Variants in FN1 observed in about 807,000 individuals in gnomAD.
FN1 encodes the protein fibronectin 1, also known as fibronectin.
In FN1, 106 loss-of-function variants were observed where a neutral mutation model predicts 297.3. The ratio of observed to expected loss-of-function variants is 0.36; its 90% CI spans 0.30 to 0.42. FN1 has a LOEUF of 0.42. Among genes scored for constraint, FN1 ranks in the 10% least tolerant of loss-of-function variants. The pLI is 1.00. For missense variants in FN1, 2,690 were observed against 3,124.9 expected (o/e 0.86, Z 3.32); for synonymous variants, 1,149 against 1,152.6 (o/e 1.00, Z 0.06).
At chr2:215,419,096 A>T in intron 12 of FN1, 146 bp downstream of exon 12, 1 of 670,972 alleles carries the variant, frequency 1.5e-6, no homozygotes, top group Non-Finnish European at 2.6e-6. Context: ...TTTAATCAAA[A>T]ATTCAATTGA....
intron 1 of FN1, 122 bp from the exon 2 acceptor site, chr2:215,434,946 T>C: frequency 9.2e-7 from 1 of 1,081,296 alleles, no homozygotes. Context: ...AAAAGTTATA[T>C]ACAATGATGT....
In FN1 at chr2:215,375,204, G is replaced by A; in HGVS notation, c.6157+10C>T. On this transcript the variant is annotated intron_variant, in intron 38 of 45. Coordinates refer to ENST00000354785, the MANE Select transcript of FN1 (RefSeq NM_212482.4). ...TAAGAAGGAAAATGACAGCATGGAA[G>A]CAGCAATACCAGTAATAGTAGCCTC... 6.2e-7 allele frequency: 1 copy of A among 1,613,632 alleles called. No homozygotes were observed. The highest frequency in any genetic ancestry group is 8.5e-7 in the Non-Finnish European group (1 of 1,179,544).
intron 13 of FN1, among the ~76,000 whole-genome samples, chr2:215,410,432 C>A (rs182656570): frequency 3.5e-4 from 54 of 152,116 alleles, no homozygotes; most frequent in African/African-American, 1.3e-3. Context: ...TTGTTGCTCC[C>A]GTTTTACAGA....
At chr2:215,388,726 T>C (rs2059341626) in intron 26 of FN1, among the ~76,000 whole-genome samples, 1 of 152,224 alleles carries the variant, frequency 6.6e-6, no homozygotes, top group African/African-American at 2.4e-5. Context: ...TTTCTTGTCA[T>C]ACAACGTACT....
At chr2:215,423,211 C>CAA (rs1553651001) in intron 9 of FN1, 139 bp downstream of exon 9, 15 of 765,482 alleles carry the variant, frequency 2.0e-5, no homozygotes, top group African/African-American at 1.7e-4. Flanking sequence ...CACACACACA[C>CAA]AAACACACTT....
intron 1 of FN1, 148 bp downstream of exon 1, chr2:215,435,507 G>A: frequency 8.6e-7 from 1 of 1,162,330 alleles, no homozygotes; most frequent in Non-Finnish European, 1.2e-6. Context: ...CTCAAAACTC[G>A]GTCCTTTTGT....
chr2:215,361,452 T>TAAGA lies in FN1; in HGVS notation c.*99_*102dup. On this transcript the variant is annotated 3_prime_UTR_variant, in exon 46 of 46. Coordinates refer to ENST00000354785, the MANE Select transcript of FN1 (RefSeq NM_212482.4). ...AGAACTTCCTCCAGAGCAAAGGGCT[T>TAAGA]AAGAAAGAAAGAAGAACTCTAAGCT... is the stretch of plus-strand genomic sequence containing the variant. The TAAGA allele has an allele frequency of 1.1e-6, 1 of 881,904 alleles. No individual in the cohort carries two copies. 54.6% of individuals were successfully genotyped at this position (881,904 alleles called of 1,614,324 possible). A position where few individuals can be genotyped will look rare whatever the true frequency, so the allele number is the denominator to read the frequency against.
At position 215,373,305 on chromosome 2, in the gene FN1, C is replaced by T. The variant is rs780525422; in HGVS notation, c.6247+17G>A. 4 of 1,594,440 alleles carry T rather than the reference C, an allele frequency of 2.5e-6. No homozygotes were observed. Among genetic ancestry groups the T allele is most frequent in the Middle Eastern group, 1.7e-4 (1 of 6,036 alleles). The stretch of plus-strand genomic sequence containing the variant: ...TTTGTCCTATCTTTCTCCTTGTTAC[C>T]TGCAAGATACTCTTACCTGTCTTTT... On this transcript the variant is annotated intron_variant, in intron 39 of 45. Coordinates refer to ENST00000354785, the MANE Select transcript of FN1 (RefSeq NM_212482.4).
At chr2:215,375,582 G>C (rs369726773) in intron 37 of FN1, 47 bp downstream of exon 37, 83 of 1,381,568 alleles carry the variant, frequency 6.0e-5, no homozygotes, top group Non-Finnish European at 8.3e-5. Context: ...TCATGAAACT[G>C]ATTGCATACA....
chr2:215,399,212 C>T (rs1343578919), intron 21 of FN1, 45 bp downstream of exon 21: 2 of 1,381,562 alleles, frequency 1.4e-6, no homozygotes, highest in Admixed American at 1.9e-5. Context: ...ACCACAAGGA[C>T]AGCTCAGGGC....
At chr2:215,378,440 A>G (rs2057695762) in intron 34 of FN1, among the ~76,000 whole-genome samples, 178 bp from the exon 35 acceptor site, 1 of 152,218 alleles carries the variant, frequency 6.6e-6, no homozygotes, top group Admixed American at 6.5e-5. Flanking sequence ...TGATAAATGT[A>G]TTTATCAATT....
Position 215,375,493 on chromosome 2 carries a change from T to A in FN1, c.5978-100A>T. On this transcript the variant is annotated intron_variant, in intron 37 of 45. Coordinates refer to ENST00000354785, the MANE Select transcript of FN1 (RefSeq NM_212482.4). The stretch of plus-strand genomic sequence containing the variant: ...CGTTCTAAACACACTTAAAAGAATC[T>A]GAGAATACTGTAAACCGGAAACAAG... 21 of 1,285,132 alleles carry A rather than the reference T, an allele frequency of 1.6e-5. No homozygotes were observed. The South Asian group carries it at 2.6e-4, about 16-fold the overall frequency. The allele number at this position is 1,285,132 out of a possible 1,614,324, so 79.6% of individuals were successfully genotyped here. A position where few individuals can be genotyped will look rare whatever the true frequency, so the allele number is the denominator to read the frequency against.
chr2:215,415,972 ACT>A (rs1458793264), intron 12 of FN1, among the ~76,000 whole-genome samples: 1 of 152,144 alleles, frequency 6.6e-6, no homozygotes, highest in Non-Finnish European at 1.5e-5. Flanking sequence ...TCTAACTGAC[ACT>A]CTGTCAAACA....
At chr2:215,419,410 A>G (rs1460703113) in intron 11 of FN1, 25 bp from the exon 12 acceptor site, 1 of 1,603,582 alleles carries the variant, frequency 6.2e-7, no homozygotes. Context: ...AGGAAAAGAT[A>G]AACAGCCTTG....
At chr2:215,361,824 A>G in intron 45 of FN1, 145 bp downstream of exon 45, 3 of 1,151,882 alleles carry the variant, frequency 2.6e-6, no homozygotes, top group Non-Finnish European at 3.7e-6. Flanking sequence ...AAACTATATT[A>G]TGGAATACAG....
intron 21 of FN1, 145 bp from the exon 22 acceptor site, chr2:215,397,993 CTT>C (rs1168695390): frequency 1.2e-5 from 9 of 745,144 alleles, no homozygotes; most frequent in African/African-American, 3.5e-5. Flanking sequence ...TTTGGGGACT[CTT>C]TTATATACTT....
At chr2:215,370,617 G>A in intron 40 of FN1, 185 bp from the exon 41 acceptor site, 2 of 596,428 alleles carry the variant, frequency 3.4e-6, no homozygotes, top group South Asian at 4.0e-5. Flanking sequence ...AATGGAACAA[G>A]GATAGGGGCC....
chr2:215,370,197 A>G (rs545250297), intron 41 of FN1, 97 bp downstream of exon 41: 3 of 1,282,856 alleles, frequency 2.3e-6, no homozygotes, highest in Admixed American at 3.4e-5. Flanking sequence ...TCCCAAAGAT[A>G]AAAAGACAAT....
chr2:215,430,673 C>T (rs750871723), intron 5 of FN1, 42 bp downstream of exon 5: 1 of 1,608,854 alleles, frequency 6.2e-7, no homozygotes, highest in Non-Finnish European at 8.5e-7. Flanking sequence ...ATCCAGAAAA[C>T]AATACCTGGC....
Sources: allele counts gnomAD v4.1 joint callset (sites outside exome capture counted in the v4.1 genomes callset), GRCh38; gene constraint gnomAD v4.1.1; transcripts MANE v1.5; gene names NCBI Gene and HGNC (gene_info 2026-07-23, HGNC 2026-07-21).